PPP2R5A: variants seen among roughly 807,000 people sequenced by gnomAD.
The protein encoded by PPP2R5A is serine/threonine-protein phosphatase 2A 56 kDa regulatory subunit alpha isoform.
In PPP2R5A, 25 loss-of-function variants were observed where a neutral mutation model predicts 64.2. The ratio of observed to expected loss-of-function variants is 0.39; its 90% CI spans 0.28 to 0.54. The LOEUF is 0.54. Among genes scored for constraint, PPP2R5A ranks in the 20% least tolerant of loss-of-function variants. The pLI is 0.67. For missense variants in PPP2R5A, 425 were observed against 576.3 expected, an observed-to-expected ratio of 0.74 and a Z score of 2.69; for synonymous variants, 198 against 201.2, an observed-to-expected ratio of 0.98 and a Z score of 0.13.
intron 1 of PPP2R5A, chr1:212,306,721 G>T: frequency 6.7e-6 from 1 of 149,332 alleles, no homozygotes; most frequent in Admixed American, 6.7e-5. Context: ...CCTTTTGATG[G>T]GCTTGGTTAA....
At chr1:212,310,900 A>T (rs1659017124) in intron 1 of PPP2R5A, among the ~76,000 whole-genome samples, 1 of 152,218 alleles carries the variant, frequency 6.6e-6, no homozygotes, top group South Asian at 2.1e-4. Flanking sequence ...CTAGAAGTAG[A>T]GGAAGAGCCC....
At chr1:212,330,617 A>G (rs1659487238) in intron 2 of PPP2R5A, among the ~76,000 whole-genome samples, 1 of 151,998 alleles carries the variant, frequency 6.6e-6, no homozygotes, top group Non-Finnish European at 1.5e-5. Flanking sequence ...TTAAACTTAG[A>G]GTATTGAAGC....
intron 1 of PPP2R5A, among the ~76,000 whole-genome samples, chr1:212,294,453 AAAAC>A (rs1436492162): frequency 2.6e-5 from 4 of 152,236 alleles, no homozygotes; most frequent in African/African-American, 7.2e-5. Flanking sequence ...TAATTTTATT[AAAAC>A]AAACAAAAAC....
intron 5 of PPP2R5A, 114 bp from the exon 6 acceptor site, chr1:212,347,233 G>A (rs1659798354): frequency 5.4e-6 from 4 of 736,182 alleles, no homozygotes; most frequent in Admixed American, 5.9e-5. Context: ...CCCAAAACAT[G>A]CTTGTGTGTT....
intron 2 of PPP2R5A, among the ~76,000 whole-genome samples, chr1:212,332,230 A>C (rs1246270768): frequency 6.6e-6 from 1 of 152,218 alleles, no homozygotes; most frequent in Non-Finnish European, 1.5e-5. Context: ...CGGTTACAGT[A>C]ATTGACTATT....
chr1:212,323,765 G>A (rs1659356754), intron 1 of PPP2R5A, among the ~76,000 whole-genome samples: 1 of 152,082 alleles, frequency 6.6e-6, no homozygotes, highest in South Asian at 2.1e-4. Context: ...CCCAGAGAAA[G>A]TCTTTTTTAA....
intron 4 of PPP2R5A, among the ~76,000 whole-genome samples, chr1:212,343,417 C>G (rs145987255): frequency 2.6e-5 from 4 of 152,130 alleles, no homozygotes; most frequent in African/African-American, 9.7e-5. Context: ...CCCTTCAGAC[C>G]GCTTTGTATG....
intron 1 of PPP2R5A, chr1:212,306,851 G>A (rs1421020744): frequency 6.6e-6 from 1 of 152,040 alleles, no homozygotes; most frequent in Admixed American, 6.6e-5. Context: ...TCTGCTGCCA[G>A]GGTTCAAGCA....
intron 2 of PPP2R5A, 61 bp from the exon 3 acceptor site, chr1:212,333,436 T>G: frequency 9.1e-7 from 1 of 1,102,290 alleles, no homozygotes; most frequent in Non-Finnish European, 1.3e-6. Context: ...ATACTTCGTT[T>G]TGAATTGTCC....
intron 4 of PPP2R5A, among the ~76,000 whole-genome samples, chr1:212,344,745 T>TA (rs1659744264): frequency 6.6e-6 from 1 of 152,168 alleles, no homozygotes; most frequent in Non-Finnish European, 1.5e-5. Context: ...TTTTCTAAAG[T>TA]CTCTTCTCTC....
intron 1 of PPP2R5A, among the ~76,000 whole-genome samples, chr1:212,325,912 G>C (rs1659401184): frequency 6.6e-6 from 1 of 152,024 alleles, no homozygotes; most frequent in African/African-American, 2.4e-5. Context: ...CTTTTTGTTA[G>C]TTGAAATAAA....
At chr1:212,337,060 T>C (rs1434396667) in intron 3 of PPP2R5A, among the ~76,000 whole-genome samples, 1 of 152,156 alleles carries the variant, frequency 6.6e-6, no homozygotes, top group African/African-American at 2.4e-5. Flanking sequence ...TAATGAGCAA[T>C]GGAATAATGG....
intron 1 of PPP2R5A, among the ~76,000 whole-genome samples, chr1:212,314,934 T>G (rs1659117961): frequency 6.6e-6 from 1 of 152,184 alleles, no homozygotes; most frequent in African/African-American, 2.4e-5. Context: ...CTTCAACTCC[T>G]GGGCTCAAGC....
chr1:212,321,216 ACGGGGCGGCTGG>A, intron 1 of PPP2R5A, among the ~76,000 whole-genome samples: 1 of 139,120 alleles, frequency 7.2e-6, no homozygotes, highest in African/African-American at 2.8e-5. Flanking sequence ...TCCTTCCCAG[ACGGGGCGGCTGG>A]CCGGGCAGAG....
chr1:212,307,000 T>C (rs1658926921), intron 1 of PPP2R5A: 1 of 146,138 alleles, frequency 6.8e-6, no homozygotes, highest in African/African-American at 2.8e-5. Flanking sequence ...GACCTTGTGA[T>C]CCACCCACCT....
intron 1 of PPP2R5A, among the ~76,000 whole-genome samples, chr1:212,316,213 G>A (rs931995415): frequency 6.6e-6 from 1 of 152,208 alleles, no homozygotes; most frequent in African/African-American, 2.4e-5. Flanking sequence ...GTTGAAAGCT[G>A]TGATTGGCCA....
At chr1:212,296,440 G>A (rs1296884299) in intron 1 of PPP2R5A, among the ~76,000 whole-genome samples, 2 of 152,126 alleles carry the variant, frequency 1.3e-5, no homozygotes, top group African/African-American at 2.4e-5. Context: ...TTACTGGCCT[G>A]CCAAGACTTT....
chr1:212,311,296 G>A (rs1162818411), intron 1 of PPP2R5A, among the ~76,000 whole-genome samples: 2 of 151,966 alleles, frequency 1.3e-5, no homozygotes, highest in African/African-American at 2.4e-5. Flanking sequence ...GTGAAACCCC[G>A]TCTCTACTAA....
chr1:212,335,048 C>T lies in PPP2R5A; in HGVS notation c.480+1450C>T, dbSNP rs117421980. 4.5e-4 allele frequency among the ~76,000 whole-genome samples: 68 copies of T among 152,162 alleles called. 1 individual carries two copies. The East Asian group carries it at 0.013, about 29-fold the overall frequency. On this transcript the variant is annotated intron_variant, in intron 3 of 12. Coordinates refer to ENST00000261461, the MANE Select transcript of PPP2R5A (RefSeq NM_006243.4). The stretch of plus-strand genomic sequence containing the variant: ...TGTTGCTATACTTGATGGTGTCCCA[C>T]AGGTCTCTGGAGCTCTGTTCAATTT...
Sources: gnomAD v4.1 joint callset for allele counts (sites outside exome capture counted in the v4.1 genomes callset) on GRCh38, gnomAD v4.1.1 for gene constraint, MANE v1.5 for transcripts, NCBI Gene and HGNC (gene_info 2026-07-23, HGNC 2026-07-21) for gene names.